The following ANKS1B variants were observed in gnomAD, a reference collection of about 807,000 sequenced individuals.
ANKS1B encodes ankyrin repeat and sterile alpha motif domain-containing protein 1B.
A neutral mutation model predicts 148.3 loss-of-function variants in ANKS1B; 36 were observed. The ratio of observed to expected loss-of-function variants is 0.24; its 90% CI spans 0.19 to 0.32. The LOEUF is 0.32. Ranked by LOEUF, ANKS1B falls within the 10% of genes least tolerant of loss-of-function variation. The pLI, the probability that ANKS1B is intolerant of heterozygous loss-of-function variation, is 1.00. For missense variants in ANKS1B, 1,157 were observed against 1,542.6 expected (o/e 0.75, Z 4.19); for synonymous variants, 542 against 560.8 (o/e 0.97, Z 0.47).
chr12:99,282,900 C>A (rs117789079), intron 12 of ANKS1B, among the ~76,000 whole-genome samples: 10 of 152,132 alleles, frequency 6.6e-5, no homozygotes, highest in African/African-American at 2.2e-4. Context: ...CAGAGAGACT[C>A]AGGTTAGGAA....
chr12:99,602,875 T>C (rs2153298975), intron 9 of ANKS1B, among the ~76,000 whole-genome samples: 1 of 152,176 alleles, frequency 6.6e-6, no homozygotes, highest in African/African-American at 2.4e-5. Context: ...AAACAATTAG[T>C]TAGAATCTAA....
intron 12 of ANKS1B, among the ~76,000 whole-genome samples, chr12:99,384,021 C>T (rs2093757259): frequency 1.3e-5 from 2 of 151,844 alleles, no homozygotes; most frequent in Admixed American, 1.3e-4. Flanking sequence ...ACAGTGAGAC[C>T]CTGTCTCAAA....
At chr12:99,118,614 G>A (rs1321623927) in intron 15 of ANKS1B, among the ~76,000 whole-genome samples, 2 of 152,084 alleles carry the variant, frequency 1.3e-5, no homozygotes, top group African/African-American at 2.4e-5. Flanking sequence ...GCAATGCTGT[G>A]AGCCCACCCA....
chr12:99,504,673 T>G, intron 9 of ANKS1B, 32 bp from the exon 10 acceptor site: 1 of 1,467,948 alleles, frequency 6.8e-7, no homozygotes, highest in Non-Finnish European at 9.1e-7. Flanking sequence ...AACAGCTTTG[T>G]GATGAAGAAA....
At chr12:99,380,805 C>CT (rs1342702264) in intron 12 of ANKS1B, among the ~76,000 whole-genome samples, 2 of 107,474 alleles carry the variant, frequency 1.9e-5, no homozygotes, top group African/African-American at 9.3e-5. Flanking sequence ...TCCTTCCTTT[C>CT]TCATGCTCCA....
rs1323660432 is a variant in ANKS1B, at chr12:98,979,519, C to T, written c.2778+73638G>A. ...ATCTCCTGAACTCGTGATCCACCCG[C>T]CTCGGCCTCCCAAAGTGCTGGGATT... On this transcript the variant is annotated intron_variant, in intron 17 of 26. Coordinates refer to ENST00000683438, the MANE Select transcript of ANKS1B (RefSeq NM_001352186.2). Among the ~76,000 whole-genome samples the T allele has an allele frequency of 4.6e-5, 7 of 152,222 alleles. No homozygotes were observed. The South Asian group carries it at 6.2e-4, about 14-fold the overall frequency.
At chr12:99,097,583 A>T (rs2056617763) in intron 15 of ANKS1B, 1 of 152,354 alleles carries the variant, frequency 6.6e-6, no homozygotes, top group African/African-American at 2.4e-5. Context: ...CAACCAAAAT[A>T]AAAAGAATAT....
At chr12:99,903,912 A>T (rs2093687880) in intron 1 of ANKS1B, among the ~76,000 whole-genome samples, 1 of 152,128 alleles carries the variant, frequency 6.6e-6, no homozygotes, top group Non-Finnish European at 1.5e-5. Flanking sequence ...AAAAAATAAA[A>T]AGTTGCCAAG....
intron 14 of ANKS1B, among the ~76,000 whole-genome samples, chr12:99,214,169 T>A (rs2083780415): frequency 6.6e-6 from 1 of 152,210 alleles, no homozygotes; most frequent in Admixed American, 6.5e-5. Flanking sequence ...TTTCACTATA[T>A]ATGATATAAA....
intron 4 of ANKS1B, among the ~76,000 whole-genome samples, chr12:99,804,369 T>C (rs908230721): frequency 1.3e-5 from 2 of 152,202 alleles, no homozygotes; most frequent in Non-Finnish European, 2.9e-5. Flanking sequence ...TTTTCCTTAA[T>C]ATGACTGTTA....
chr12:98,844,209 C>A (rs2099429742), intron 17 of ANKS1B, among the ~76,000 whole-genome samples: 1 of 152,184 alleles, frequency 6.6e-6, no homozygotes, highest in Non-Finnish European at 1.5e-5. Flanking sequence ...CTCAGTATCA[C>A]CTAACTTGTG....
In ANKS1B at chr12:98,841,065, G is replaced by C. The variant is rs868811417; in HGVS notation, c.2779-8929C>G. Among the ~76,000 whole-genome samples, 18 of 152,238 alleles carry C rather than the reference G, an allele frequency of 1.2e-4. No homozygotes were observed. The Middle Eastern group carries it at 0.017, about 144-fold the overall frequency. ...CTGCATCTTAAGAAGTAGAGAGACT[G>C]CTGTTTTGCTATATTTTGCTAACCA... On this transcript the variant is annotated intron_variant, in intron 17 of 26. Coordinates refer to ENST00000683438, the MANE Select transcript of ANKS1B (RefSeq NM_001352186.2).
chr12:99,543,697 T>G (rs2097147799), intron 9 of ANKS1B, among the ~76,000 whole-genome samples: 1 of 152,092 alleles, frequency 6.6e-6, no homozygotes, highest in Admixed American at 6.6e-5. Context: ...TGTGATACAT[T>G]CTACAACATA....
intron 16 of ANKS1B, among the ~76,000 whole-genome samples, chr12:99,054,650 T>C (rs754231755): frequency 2.1e-4 from 32 of 152,164 alleles, no homozygotes; most frequent in Non-Finnish European, 4.1e-4. Context: ...GCAATTCTCA[T>C]TCCTCAGCCT....
chr12:99,711,659 A>T (rs976918832), intron 8 of ANKS1B, among the ~76,000 whole-genome samples: 6 of 152,134 alleles, frequency 3.9e-5, no homozygotes, highest in African/African-American at 1.4e-4. Flanking sequence ...ACCATCTCGC[A>T]CCAATCAGAA....
At chr12:99,618,794 G>A (rs537447456) in intron 9 of ANKS1B, among the ~76,000 whole-genome samples, 7 of 152,112 alleles carry the variant, frequency 4.6e-5, no homozygotes, top group South Asian at 4.2e-4. Flanking sequence ...TTTTTAATTC[G>A]AGTGCATACT....
intron 12 of ANKS1B, among the ~76,000 whole-genome samples, chr12:99,367,362 A>G (rs1254747297): frequency 1.3e-5 from 2 of 152,216 alleles, no homozygotes; most frequent in African/African-American, 2.4e-5. Context: ...ATTCTGAGAG[A>G]TTTCTTACCT....
chr12:98,811,338 C>T (rs867294925), intron 19 of ANKS1B, among the ~76,000 whole-genome samples: 1 of 152,204 alleles, frequency 6.6e-6, no homozygotes, highest in Non-Finnish European at 1.5e-5. Flanking sequence ...TCCTTCTGCA[C>T]ATCCATGTGG....
At chr12:99,463,468 G>A (rs569113571) in intron 10 of ANKS1B, among the ~76,000 whole-genome samples, 164 of 152,028 alleles carry the variant, frequency 1.1e-3, no homozygotes, top group African/African-American at 3.8e-3. Flanking sequence ...CACCGTGCGC[G>A]AGCCGAAGCA....
Sources: allele counts gnomAD v4.1 joint callset (sites outside exome capture counted in the v4.1 genomes callset), GRCh38; gene constraint gnomAD v4.1.1; transcripts MANE v1.5; gene names NCBI Gene and HGNC (gene_info 2026-07-23, HGNC 2026-07-21).